The following ZNF678 variants were observed in gnomAD, a reference collection of about 807,000 sequenced individuals.
ZNF678 encodes the protein hypothetical protein MGC42493.
ZNF678 carries 5 observed loss-of-function variants against 3.0 expected under a neutral mutation model. That is an observed-to-expected ratio of 1.69 (90% confidence interval 0.88 to 3.56). The LOEUF is 3.56. ZNF678 is among the 30% of genes most tolerant of loss of function. The pLI, the probability that ZNF678 is intolerant of heterozygous loss-of-function variation, is 0.00. For synonymous variants in ZNF678, 218 were observed against 199.6 expected (o/e 1.09, Z -0.78); for missense variants, 593 against 605.0 (o/e 0.98, Z 0.21).
rs150224469 is a variant in ZNF678 at position 227,655,719 on chromosome 1, A to C, written c.1469A>C (p.Lys490Thr). The C allele has an allele frequency of 8.1e-6, 13 of 1,612,588 alleles. No homozygotes were observed. The African/African-American group carries it at 9.3e-5, about 12-fold the overall frequency. Residue 490 changes from lysine to threonine, a missense_variant, in exon 4 of 4, where the codon AAA becomes ACA. Lys to Thr is a moderately conservative substitution (Grantham distance 78). Coordinates refer to ENST00000343776, the MANE Select transcript of ZNF678 (RefSeq NM_001367909.1). ...KRIHTGEKRYKCKECGKGFYQ... is the reference protein window; with the variant it reads ...KRIHTGEKRYTCKECGKGFYQ... Reference sequence around the variant, plus strand: ...ATTCATACTGGAGAGAAACGCTACAAATGTAAAGAATGTGGAAAAGGTTTT... The same window carrying C: ...ATTCATACTGGAGAGAAACGCTACACATGTAAAGAATGTGGAAAAGGTTTT...
chr1:227,603,398 T>C (rs919904375), intron 1 of ZNF678, among the ~76,000 whole-genome samples: 6 of 152,214 alleles, frequency 3.9e-5, no homozygotes, highest in Admixed American at 2.0e-4. Flanking sequence ...CTTGTTTTAC[T>C]ACCATAGAAT....
Position 227,594,411 on chromosome 1 carries a change from A to G in ZNF678, c.-164+30687A>G, listed in dbSNP as rs190647164. 1.2e-4 allele frequency among the ~76,000 whole-genome samples: 19 copies of G among 152,332 alleles called. No homozygotes were observed. The East Asian group carries it at 3.3e-3, about 26-fold the overall frequency. On this transcript the variant is annotated intron_variant, in intron 1 of 3. Coordinates refer to ENST00000343776, the MANE Select transcript of ZNF678 (RefSeq NM_001367909.1). ...TTTAACCTTTCATAATTTTTGTTAA[A>G]GAGCAGGTTGGTGCTTTAAGAAAAA...
At chr1:227,600,443 T>G (rs1002528596) in intron 1 of ZNF678, among the ~76,000 whole-genome samples, 1 of 152,008 alleles carries the variant, frequency 6.6e-6, no homozygotes, top group Non-Finnish European at 1.5e-5. Context: ...TATAAGCGTT[T>G]TGTTTTGTTT....
At chr1:227,614,909 C>G (rs567405929) in intron 1 of ZNF678, among the ~76,000 whole-genome samples, 1 of 152,306 alleles carries the variant, frequency 6.6e-6, no homozygotes, top group South Asian at 2.1e-4. Flanking sequence ...TGTTTTTTCA[C>G]TAGTTTTTTA....
chr1:227,654,723 G>A lies in ZNF678; in HGVS notation c.473G>A (p.Cys158Tyr), dbSNP rs1343071167. The change falls in exon 4 of 4, where the codon TGT becomes TAT. Residue 158 changes from cysteine (C) to tyrosine (Y), a missense_variant. By Grantham distance (194) the Cys-to-Tyr change is radical (BLOSUM62 -2). Coordinates refer to ENST00000343776, the MANE Select transcript of ZNF678 (RefSeq NM_001367909.1). ...GAGAAACCCTACAAATGTGACGAATGTGGCAAAGTTTTTAATTGGTGGTCA... is the reference window on the plus strand; with the variant it reads ...GAGAAACCCTACAAATGTGACGAATATGGCAAAGTTTTTAATTGGTGGTCA... Reference protein sequence around the residue: ...TGEKPYKCDECGKVFNWWSQL... With the variant: ...TGEKPYKCDEYGKVFNWWSQL... 6 of 1,613,168 alleles carry A rather than the reference G, an allele frequency of 3.7e-6. No individual in the cohort carries two copies. The highest frequency in any genetic ancestry group is 4.2e-6 in the Non-Finnish European group (5 of 1,179,386).
chr1:227,578,685 A>G (rs1427681897), intron 1 of ZNF678, among the ~76,000 whole-genome samples: 2 of 152,162 alleles, frequency 1.3e-5, no homozygotes, highest in Non-Finnish European at 2.9e-5. Flanking sequence ...GTTTCAATGT[A>G]TGCCCATAGC....
In ZNF678 at chr1:227,654,583, C is replaced by T; in HGVS notation, c.333C>T (p.Ile111=). The T allele has an allele frequency of 1.9e-6, 3 of 1,613,356 alleles. No individual in the cohort carries two copies. Among genetic ancestry groups the T allele is most frequent in the Non-Finnish European group, 2.5e-6 (3 of 1,179,590 alleles). ...ECGRNFSWRS[I]LTEHKRIHTG... Reference sequence around the variant, plus strand: ...GCAGAAATTTTAGCTGGAGGTCAATCCTTACTGAACATAAGAGAATTCATA... The same window carrying T: ...GCAGAAATTTTAGCTGGAGGTCAATTCTTACTGAACATAAGAGAATTCATA... The change falls in exon 4 of 4, where the codon ATC becomes ATT. Residue 111 remains isoleucine (I), a synonymous_variant. Coordinates refer to ENST00000343776, the MANE Select transcript of ZNF678 (RefSeq NM_001367909.1).
chr1:227,637,056 G>A (rs1468725009), intron 1 of ZNF678, among the ~76,000 whole-genome samples: 5 of 152,156 alleles, frequency 3.3e-5, no homozygotes, highest in African/African-American at 1.2e-4. Flanking sequence ...GTTTGTAGGT[G>A]ACACTATAGC....
At chr1:227,577,286 A>G (rs1469195110) in intron 1 of ZNF678, among the ~76,000 whole-genome samples, 1 of 152,116 alleles carries the variant, frequency 6.6e-6, no homozygotes. Context: ...TCAAGTCCTG[A>G]ATATCTTTGT....
intron 1 of ZNF678, chr1:227,598,647 A>G: frequency 1.8e-6 from 1 of 552,926 alleles, no homozygotes; most frequent in Non-Finnish European, 3.3e-6. Flanking sequence ...GAGCCCTTTA[A>G]TGTCCTTTTC....
At chr1:227,568,194 A>G (rs547339186) in intron 1 of ZNF678, among the ~76,000 whole-genome samples, 4 of 152,270 alleles carry the variant, frequency 2.6e-5, no homozygotes, top group Admixed American at 1.3e-4. Flanking sequence ...AGTTATTTAT[A>G]CTTCCTACTG....
rs1232820876 is a variant in ZNF678, at chr1:227,655,916, A to G, written c.*88A>G. 1 of 1,238,102 alleles carries G rather than the reference A, an allele frequency of 8.1e-7. No homozygotes were observed. The highest frequency in any genetic ancestry group is 2.5e-5 in the Admixed American group (1 of 40,816). The allele number at this position is 1,238,102 out of a possible 1,614,324, so 76.7% of individuals were successfully genotyped here. A position where few individuals can be genotyped will look rare whatever the true frequency, so the allele number is the denominator to read the frequency against. On this transcript the variant is annotated 3_prime_UTR_variant, in exon 4 of 4. Coordinates refer to ENST00000343776, the MANE Select transcript of ZNF678 (RefSeq NM_001367909.1). ...TGACTGTTTAAGGATGTTTCACAAA[A>G]TGTAAGCTTCAGAGTGCACAACACT... is the stretch of plus-strand genomic sequence containing the variant.
At chr1:227,619,825 C>A (rs1298859775) in intron 1 of ZNF678, among the ~76,000 whole-genome samples, 1 of 152,160 alleles carries the variant, frequency 6.6e-6, no homozygotes, top group Admixed American at 6.5e-5. Flanking sequence ...TTGGTGATGA[C>A]CTTGAGCAGT....
downstream of ZNF678, among the ~76,000 whole-genome samples, chr1:227,678,041 G>A (rs1659713046): frequency 6.6e-6 from 1 of 152,154 alleles, no homozygotes; most frequent in African/African-American, 2.4e-5. Flanking sequence ...AACTAATCAA[G>A]AACTCAACCT....
chr1:227,631,089 A>G (rs1658537314), intron 1 of ZNF678, among the ~76,000 whole-genome samples: 1 of 152,156 alleles, frequency 6.6e-6, no homozygotes, highest in South Asian at 2.1e-4. Context: ...AAATTGGCCC[A>G]ATTCTCCAGA....
chr1:227,600,980 T>C (rs1030965249), intron 1 of ZNF678, among the ~76,000 whole-genome samples: 1 of 152,234 alleles, frequency 6.6e-6, no homozygotes, highest in African/African-American at 2.4e-5. Flanking sequence ...GTTTCAATCT[T>C]CTGCATATGG....
chr1:227,639,493 A>T (rs1452742756), intron 1 of ZNF678, among the ~76,000 whole-genome samples: 1 of 152,238 alleles, frequency 6.6e-6, no homozygotes, highest in Non-Finnish European at 1.5e-5. Context: ...AAGGTTTAAA[A>T]TAGTGGTTCC....
chr1:227,563,745 G>A (rs1352145424), intron 1 of ZNF678, 21 bp downstream of exon 1: 1 of 1,313,296 alleles, frequency 7.6e-7, no homozygotes, highest in Non-Finnish European at 1.0e-6. Context: ...CCGGGAGGGT[G>A]TTCCAAGATG....
intron 1 of ZNF678, among the ~76,000 whole-genome samples, chr1:227,596,020 G>A (rs1220396055): frequency 2.6e-5 from 4 of 152,146 alleles, no homozygotes; most frequent in African/African-American, 7.2e-5. Flanking sequence ...TCAGATGTCC[G>A]GACTCCAAGT....
Sources: gnomAD v4.1 joint callset for allele counts (sites outside exome capture counted in the v4.1 genomes callset) on GRCh38, gnomAD v4.1.1 for gene constraint, MANE v1.5 for transcripts, NCBI Gene and HGNC (gene_info 2026-07-23, HGNC 2026-07-21) for gene names.